NUB1: variants seen among roughly 807,000 people sequenced by gnomAD.
NUB1 encodes the protein negative regulator of ubiquitin like proteins 1, also known as NEDD8 ultimate buster 1.
NUB1 carries 41 observed loss-of-function variants against 77.1 expected under a neutral mutation model. That is an observed-to-expected ratio of 0.53 (90% CI 0.41 to 0.69). The LOEUF is 0.69. NUB1 is among the 30% of genes least tolerant of loss of function. NUB1 has a pLI of 0.00. For synonymous variants in NUB1, 257 were observed against 281.0 expected (o/e 0.91, Z 0.85); for missense variants, 643 against 743.8 (o/e 0.86, Z 1.58).
chr7:151,358,178 T>C (rs1227906373), intron 7 of NUB1, among the ~76,000 whole-genome samples: 4 of 151,562 alleles, frequency 2.6e-5, no homozygotes, highest in Non-Finnish European at 5.9e-5. Flanking sequence ...TTTCACCATG[T>C]TGGCCAGATG....
chr7:151,376,127 C>G lies in NUB1; in HGVS notation c.1491+184C>G, dbSNP rs562050061. On this transcript the variant is annotated intron_variant, in intron 13 of 14. Transcript: ENST00000568733. Reference sequence around the variant, plus strand: ...AGTAACAGAGGGCAGGGGAGGCCTCCTTGGAAAGCAGGAAAACTGGGGAAG... The same window carrying G: ...AGTAACAGAGGGCAGGGGAGGCCTCGTTGGAAAGCAGGAAAACTGGGGAAG... 35 of 564,556 alleles carry G rather than the reference C, an allele frequency of 6.2e-5. No homozygotes were observed. In the South Asian group the frequency reaches 6.4e-4, roughly 10 times the overall value. The allele number at this position is 564,556 out of a possible 1,614,324, so 35.0% of individuals were successfully genotyped here. A position where few individuals can be genotyped will look rare whatever the true frequency, so the allele number is the denominator to read the frequency against.
At position 151,373,612 on chromosome 7, in the gene NUB1, C is replaced by T. The variant is rs544394386; in HGVS notation, c.1249-485C>T. Among the ~76,000 whole-genome samples the T allele has an allele frequency of 3.3e-5, 5 of 152,360 alleles. No individual in the cohort carries two copies. In the South Asian group the frequency reaches 6.2e-4, roughly 19 times the overall value. ...CAGGCTGTGGGGGGCGGGTCACCAG[C>T]TTTGGCATTGCCCAGGAGCCCCTGA... On this transcript the variant is annotated intron_variant, in intron 11 of 14. Coordinates refer to ENST00000568733, the MANE Select transcript of NUB1 (RefSeq NM_001243351.2).
chr7:151,377,253 C>T lies in NUB1; in HGVS notation c.*28C>T, dbSNP rs1440657977. ...AATGAACAGAAATAGCGCTAATTTT[C>T]TGCTTATAAATGCTATCATTATGAA... On this transcript the variant is annotated 3_prime_UTR_variant, in exon 15 of 15. Coordinates refer to ENST00000568733, the MANE Select transcript of NUB1 (RefSeq NM_001243351.2). The T allele has an allele frequency of 2.8e-6, 4 of 1,436,704 alleles. No individual in the cohort carries two copies. Among genetic ancestry groups the T allele is most frequent in the Admixed American group, 5.0e-5 (2 of 40,094 alleles). 89.0% of individuals were successfully genotyped at this position (1,436,704 alleles called of 1,614,324 possible). A position where few individuals can be genotyped will look rare whatever the true frequency, so the allele number is the denominator to read the frequency against.
At position 151,375,936 on chromosome 7, in the gene NUB1, T is replaced by C. The variant is rs778438679; in HGVS notation, c.1484T>C (p.Ile495Thr). 3.7e-5 allele frequency: 60 copies of C among 1,609,016 alleles called. No individual in the cohort carries two copies. Among genetic ancestry groups the C allele is most frequent in the African/African-American group, 8.0e-5 (6 of 74,842 alleles). The change falls in exon 13 of 15, where the codon ATT (isoleucine) becomes ACT (threonine). Residue 495 changes from isoleucine to threonine, a missense_variant. Physicochemically the swap from Ile to Thr is moderately conservative, Grantham distance 89 (BLOSUM62 -1). Coordinates refer to ENST00000568733, the MANE Select transcript of NUB1 (RefSeq NM_001243351.2). ...NRQESPSQENIDRLVYMGFDA... is the reference protein window; with the variant it reads ...NRQESPSQENTDRLVYMGFDA... ...CAAGAAAGTCCTTCCCAGGAAAACA[T>C]TGACCGAGTGAGTGACAGGCCTTTG... is the stretch of plus-strand genomic sequence containing the variant.
intron 8 of NUB1, among the ~76,000 whole-genome samples, chr7:151,363,166 G>A (rs1162384082): frequency 6.6e-6 from 1 of 152,194 alleles, no homozygotes; most frequent in Non-Finnish European, 1.5e-5. Context: ...TCAGTCAGTA[G>A]CAACAGATCC....
chr7:151,365,316 CTCTTT>C (rs1338844082), intron 8 of NUB1, among the ~76,000 whole-genome samples: 2 of 92,182 alleles, frequency 2.2e-5, no homozygotes, highest in African/African-American at 7.2e-5. Flanking sequence ...TTTCTTCTCT[CTCTTT>C]TTTTTTTTTT....
intron 10 of NUB1, 118 bp downstream of exon 10, chr7:151,368,086 G>A: frequency 8.0e-6 from 5 of 627,214 alleles, no homozygotes; most frequent in Non-Finnish European, 1.4e-5. Context: ...CTTTCTCCGT[G>A]CACAGGAGAT....
At chr7:151,346,832 A>C (rs1796524226) in intron 2 of NUB1, among the ~76,000 whole-genome samples, 1 of 152,180 alleles carries the variant, frequency 6.6e-6, no homozygotes, top group Non-Finnish European at 1.5e-5. Context: ...AAATCATGGA[A>C]CCTGAAGGGG....
chr7:151,342,847 A>T (rs1036007268), intron 1 of NUB1, among the ~76,000 whole-genome samples: 1 of 151,828 alleles, frequency 6.6e-6, no homozygotes, highest in Non-Finnish European at 1.5e-5. Flanking sequence ...TTATTTGTTT[A>T]TTTTTTTAGT....
intron 13 of NUB1, 85 bp from the exon 14 acceptor site, chr7:151,376,549 G>A (rs983503519): frequency 7.7e-7 from 1 of 1,303,364 alleles, no homozygotes; most frequent in African/African-American, 1.5e-5. Context: ...TTAAACATGA[G>A]AGTCGGCTGT....
chr7:151,345,593 A>G, intron 2 of NUB1, 127 bp downstream of exon 2: 2 of 518,328 alleles, frequency 3.9e-6, no homozygotes, highest in South Asian at 6.9e-5. Context: ...GTGAGCGGGT[A>G]CCCACTTTTT....
At chr7:151,366,866 A>G (rs1797713144) in intron 8 of NUB1, 73 bp from the exon 9 acceptor site, 3 of 1,226,016 alleles carry the variant, frequency 2.4e-6, no homozygotes, top group Non-Finnish European at 3.4e-6. Context: ...CCAGTCATTC[A>G]CAAAAAGGTT....
intron 8 of NUB1, among the ~76,000 whole-genome samples, chr7:151,362,839 G>A (rs907371786): frequency 6.6e-6 from 1 of 152,256 alleles, no homozygotes; most frequent in African/African-American, 2.4e-5. Context: ...CATGAAAGAA[G>A]CAGGGAATAA....
At chr7:151,344,925 A>C (rs11772616) in intron 1 of NUB1, among the ~76,000 whole-genome samples, 1 of 151,862 alleles carries the variant, frequency 6.6e-6, no homozygotes, top group Non-Finnish European at 1.5e-5. Context: ...GCTTGAACCC[A>C]GGGGGCGGAG....
chr7:151,376,680 G>C lies in NUB1; in HGVS notation c.1538G>C (p.Arg513Thr). ...GCACTCGTGGCCGAAGCTGCGCTGA[G>C]AGTGTTCAGAGGCAACGTCCAGCTG... ...FDALVAEAAL[R>T]VFRGNVQLAA... Residue 513 changes from arginine to threonine, a missense_variant, in exon 14 of 15, where the codon AGA becomes ACA. Transcript: ENST00000568733. 1.2e-6 allele frequency: 2 copies of C among 1,611,388 alleles called. No individual in the cohort carries two copies.
chr7:151,348,569 CTTTTTTTTTTTTTT>C (rs59781719), intron 2 of NUB1, among the ~76,000 whole-genome samples: 1 of 69,924 alleles, frequency 1.4e-5, no homozygotes, highest in South Asian at 6.1e-4. Context: ...TTGCTTTTTG[CTTTTTTTTTTTTTT>C]TTTTTTTTTT....
Position 151,360,267 on chromosome 7 carries a change from G to T in NUB1, c.800+20G>T, listed in dbSNP as rs1231427354. On this transcript the variant is annotated intron_variant, in intron 8 of 14. Transcript: ENST00000568733. Reference sequence around the variant, plus strand: ...TTTCTGGTAGGCGCTTTTGTACTTGGTGAACACCAGCTTTAAGGAAGATGG... The same window carrying T: ...TTTCTGGTAGGCGCTTTTGTACTTGTTGAACACCAGCTTTAAGGAAGATGG... The T allele has an allele frequency of 7.4e-7, 1 of 1,342,944 alleles. No individual in the cohort carries two copies. Among genetic ancestry groups the T allele is most frequent in the Non-Finnish European group, 1.1e-6 (1 of 934,638 alleles). 83.2% of individuals were successfully genotyped at this position (1,342,944 alleles called of 1,614,324 possible).
chr7:151,359,189 A>T (rs1797239562), intron 7 of NUB1, among the ~76,000 whole-genome samples: 1 of 151,978 alleles, frequency 6.6e-6, no homozygotes, highest in Non-Finnish European at 1.5e-5. Context: ...CTGTAATCCC[A>T]GCACTTTGGG....
intron 8 of NUB1, 127 bp downstream of exon 8, chr7:151,360,374 T>C: frequency 1.9e-6 from 1 of 538,480 alleles, no homozygotes; most frequent in Non-Finnish European, 3.4e-6. Flanking sequence ...AAAGAGTAGT[T>C]ATGGTGTAAA....
Sources: gnomAD v4.1 joint callset for allele counts (sites outside exome capture counted in the v4.1 genomes callset) on GRCh38, gnomAD v4.1.1 for gene constraint, MANE v1.5 for transcripts, NCBI Gene and HGNC (gene_info 2026-07-23, HGNC 2026-07-21) for gene names.